PRMT7: variants seen among roughly 807,000 people sequenced by gnomAD.
The protein encoded by PRMT7 is protein arginine N-methyltransferase 7.
A neutral mutation model predicts 85.4 loss-of-function variants in PRMT7; 75 were observed. The observed-to-expected ratio is 0.88, with a 90% CI of 0.73 to 1.06. The LOEUF (loss-of-function observed/expected upper bound fraction) is 1.06, where lower values mean the gene tolerates loss of function less well. Among genes scored for constraint, PRMT7 ranks in the 50% least tolerant of loss-of-function variants. The pLI is 0.00. For synonymous variants in PRMT7, 397 were observed against 359.5 expected, an observed-to-expected ratio of 1.10 and a Z score of -1.18; for missense variants, 868 against 915.2, an observed-to-expected ratio of 0.95 and a Z score of 0.67.
rs375976443 is a variant in PRMT7 at position 68,348,379 on chromosome 16, T to C, written c.1361T>C (p.Ile454Thr). 3 of 1,611,634 alleles carry C rather than the reference T, an allele frequency of 1.9e-6. No homozygotes were observed. ...KANHLEDKIN[I>T]IEKRPELLTN... ...AACCACTTGGAAGATAAAATTAACA[T>C]CATAGAGAAACGGCCGGAATTATTA... Residue 454 changes from isoleucine to threonine, a missense_variant, in exon 14 of 19, where the codon ATC becomes ACC. Transcript: ENST00000441236.
rs563006898 is a variant in PRMT7 at position 68,342,621 on chromosome 16, C to G, written c.927+2653C>G. On this transcript the variant is annotated intron_variant, in intron 9 of 18. Coordinates refer to ENST00000441236, the MANE Select transcript of PRMT7 (RefSeq NM_019023.5). ...AAGGCCTTAGCAGCTTCACCTACCC[C>G]ATTCCCAGAGTTACTGTTTAGGCCG... 5.3e-5 allele frequency among the ~76,000 whole-genome samples: 8 copies of G among 152,346 alleles called. No individual in the cohort carries two copies. In the South Asian group the frequency reaches 1.4e-3, roughly 28 times the overall value.
downstream of PRMT7, chr16:68,359,069 C>G (rs934900438): frequency 6.6e-6 from 1 of 152,642 alleles, no homozygotes; most frequent in Non-Finnish European, 1.5e-5. Context: ...GAGGAGCATG[C>G]AGCCCTGACT....
rs945642354 is a variant in PRMT7 at position 68,356,761 on chromosome 16, G to A, written c.1872G>A (p.Thr624=). 12 of 1,610,778 alleles carry A rather than the reference G, an allele frequency of 7.4e-6. No homozygotes were observed. The highest frequency in any genetic ancestry group is 2.2e-5 in the East Asian group (1 of 44,868). The stretch of plus-strand genomic sequence containing the variant: ...AGTACCACCTGACCCCGGAGTGCAC[G>A]CTCAGCACTGGCCTCCTGGAGCCTG... ...WMEYHLTPEC[T]LSTGLLEPAD... Residue 624 remains threonine, a synonymous_variant, in exon 18 of 19, where the codon ACG becomes ACA. Coordinates refer to ENST00000441236, the MANE Select transcript of PRMT7 (RefSeq NM_019023.5).
intron 16 of PRMT7, among the ~76,000 whole-genome samples, chr16:68,354,144 G>A (rs1383005652): frequency 6.6e-6 from 1 of 152,194 alleles, no homozygotes; most frequent in African/African-American, 2.4e-5. Context: ...CTGGGAACCT[G>A]AGGCTGGTGG....
chr16:68,327,916 G>GAAAAACAA, intron 5 of PRMT7, among the ~76,000 whole-genome samples: 1 of 97,094 alleles, frequency 1.0e-5, no homozygotes, highest in African/African-American at 4.0e-5. Flanking sequence ...GGACAATAGA[G>GAAAAACAA]TGAGACCCTT....
At chr16:68,346,013 G>A (rs146811985) in intron 10 of PRMT7, 132 bp from the exon 11 acceptor site, 48 of 1,420,848 alleles carry the variant, frequency 3.4e-5, no homozygotes, top group Non-Finnish European at 3.6e-5. Flanking sequence ...GAGCAGATGC[G>A]TAGGAAAAGT....
intron 3 of PRMT7, 148 bp from the exon 4 acceptor site, chr16:68,321,278 A>AT (rs1395859837): frequency 4.6e-4 from 246 of 535,040 alleles, no homozygotes; most frequent in East Asian, 1.1e-3. Context: ...CAAAAAAAAA[A>AT]AAATAAATAA....
intron 6 of PRMT7, 95 bp from the exon 7 acceptor site, chr16:68,337,364 G>A: frequency 1.3e-6 from 1 of 780,446 alleles, no homozygotes; most frequent in Non-Finnish European, 2.1e-6. Context: ...CTTTTAGCGT[G>A]ATGGCCCCTT....
chr16:68,354,052 CAT>C (rs1240788468), intron 16 of PRMT7, among the ~76,000 whole-genome samples: 1 of 152,192 alleles, frequency 6.6e-6, no homozygotes, highest in Non-Finnish European at 1.5e-5. Flanking sequence ...GTTCCATCCA[CAT>C]GAGAGGGGCA....
chr16:68,339,850 T>C lies in PRMT7; in HGVS notation c.809T>C (p.Leu270Pro). ...AACHSRRFEP[L>P]TSGRAQVVLS... is the part of the protein sequence containing the mutation. ...TGCCATAGCAGGCGGTTTGAACCTC[T>C]GACATCTGGCCGAGCTCAGGTGGTT... is the stretch of plus-strand genomic sequence containing the variant. Residue 270 changes from leucine (L) to proline (P), a missense_variant, in exon 9 of 19, where the codon CTG becomes CCG. Transcript: ENST00000441236. 1.2e-6 allele frequency: 2 copies of C among 1,614,222 alleles called. No individual in the cohort carries two copies. Among genetic ancestry groups the C allele is most frequent in the South Asian group, 2.2e-5 (2 of 91,084 alleles).
intron 2 of PRMT7, among the ~76,000 whole-genome samples, chr16:68,313,540 C>A (rs905147571): frequency 3.9e-5 from 6 of 152,176 alleles, no homozygotes; most frequent in Admixed American, 3.9e-4. Flanking sequence ...CAACCCCCTC[C>A]TTCTCCTCCT....
chr16:68,317,822 ACTCTGTCT>A (rs1156776991), intron 3 of PRMT7, among the ~76,000 whole-genome samples: 2 of 132,482 alleles, frequency 1.5e-5, no homozygotes, highest in Non-Finnish European at 3.1e-5. Context: ...CAAGAGCTAA[ACTCTGTCT>A]CAAAAAAAAA....
intron 5 of PRMT7, among the ~76,000 whole-genome samples, chr16:68,326,012 A>G (rs1276718329): frequency 6.6e-6 from 1 of 152,236 alleles, no homozygotes; most frequent in Non-Finnish European, 1.5e-5. Context: ...AGCAAGAAAA[A>G]TTAAAAACCA....
chr16:68,331,866 G>A (rs985982927), intron 6 of PRMT7, among the ~76,000 whole-genome samples: 3 of 152,114 alleles, frequency 2.0e-5, no homozygotes, highest in East Asian at 1.9e-4. Flanking sequence ...TTTTCTATAA[G>A]CACATTTATT....
At chr16:68,340,843 G>A (rs2085417259) in intron 9 of PRMT7, among the ~76,000 whole-genome samples, 1 of 152,202 alleles carries the variant, frequency 6.6e-6, no homozygotes, top group African/African-American at 2.4e-5. Flanking sequence ...GCCACTAGCA[G>A]GGATCAAGTC....
Position 68,348,631 on chromosome 16 carries a change from CTTTTTTTT to C in PRMT7, c.1413+221_1413+228del, listed in dbSNP as rs56041186. On this transcript the variant is annotated intron_variant, in intron 14 of 18. Coordinates refer to ENST00000441236, the MANE Select transcript of PRMT7 (RefSeq NM_019023.5). ...CCGGTGAGCAGATGGTTGCACTGCT[CTTTTTTTT>C]TTTTTTTTTTTTTTTTTTTTGAAAA... Among the ~76,000 whole-genome samples, 6 of 67,644 alleles carry C rather than the reference CTTTTTTTT, an allele frequency of 8.9e-5. 1 individual carries two copies. The highest frequency in any genetic ancestry group is 1.3e-4 in the Non-Finnish European group (5 of 37,798). The allele number at this position is 67,644 out of a possible 152,430, so 44.4% of individuals were successfully genotyped here. A position where few individuals can be genotyped will look rare whatever the true frequency, so the allele number is the denominator to read the frequency against.
intron 2 of PRMT7, among the ~76,000 whole-genome samples, chr16:68,314,294 G>A (rs933770099): frequency 6.6e-6 from 1 of 152,158 alleles, no homozygotes; most frequent in Non-Finnish European, 1.5e-5. Flanking sequence ...GCAGTGGTGC[G>A]GTCTCAGCTC....
rs554904598 is a variant in PRMT7, at chr16:68,313,156, T to C, written c.-84+980T>C. Among the ~76,000 whole-genome samples, 164 of 152,312 alleles carry C rather than the reference T, an allele frequency of 1.1e-3. 1 individual carries two copies. The highest frequency in any genetic ancestry group is 3.7e-3 in the African/African-American group (155 of 41,576). On this transcript the variant is annotated intron_variant, in intron 2 of 18. Transcript: ENST00000441236. The stretch of plus-strand genomic sequence containing the variant: ...AGGTTTTGAAAAGACACTGTGGTCC[T>C]GGTTTTAGACTCAGCAACATCACAG...
intron 3 of PRMT7, among the ~76,000 whole-genome samples, chr16:68,319,709 A>AGTGTGTGTGTGTGT (rs750593103): frequency 3.0e-3 from 126 of 41,892 alleles, no homozygotes; most frequent in African/African-American, 0.013. Flanking sequence ...AATAAGAGTG[A>AGTGTGTGTGTGTGT]GAGTGTGTGT....
Sources: allele counts gnomAD v4.1 joint callset (sites outside exome capture counted in the v4.1 genomes callset), GRCh38; gene constraint gnomAD v4.1.1; transcripts MANE v1.5; gene names NCBI Gene and HGNC (gene_info 2026-07-23, HGNC 2026-07-21).